The following LSAMP variants were observed in gnomAD, a reference collection of about 807,000 sequenced individuals.
The protein encoded by LSAMP is limbic system associated membrane protein.
A neutral mutation model predicts 38.6 loss-of-function variants in LSAMP; 7 were observed. The observed-to-expected ratio is 0.18, with a 90% CI of 0.10 to 0.34. The LOEUF is 0.34. LSAMP is among the 10% of genes least tolerant of loss of function. The probability of loss-of-function intolerance (pLI) is 1.00; values close to 1 mark genes in which losing one functional copy is unlikely to be tolerated. For missense variants in LSAMP, 313 were observed against 420.0 expected (o/e 0.75, Z 2.23); for synonymous variants, 154 against 166.8 (o/e 0.92, Z 0.59).
At chr3:116,443,152 C>CA (rs1443600457) in intron 1 of LSAMP, among the ~76,000 whole-genome samples, 2 of 152,140 alleles carry the variant, frequency 1.3e-5, no homozygotes, top group Non-Finnish European at 2.9e-5. Context: ...AGTGCTTCAC[C>CA]ATTAAAGGGT....
At chr3:116,370,363 C>G (rs1315060589) in intron 1 of LSAMP, among the ~76,000 whole-genome samples, 2 of 152,186 alleles carry the variant, frequency 1.3e-5, no homozygotes, top group Non-Finnish European at 2.9e-5. Context: ...CACCAGAAAT[C>G]TGTCCCTTTA....
At chr3:116,274,769 T>C (rs1009971190) in intron 1 of LSAMP, among the ~76,000 whole-genome samples, 3 of 151,992 alleles carry the variant, frequency 2.0e-5, no homozygotes, top group African/African-American at 7.2e-5. Flanking sequence ...AGGCAAAAGG[T>C]TTTGTGCCTA....
At chr3:116,405,884 G>A (rs2048891611) in intron 1 of LSAMP, among the ~76,000 whole-genome samples, 1 of 152,052 alleles carries the variant, frequency 6.6e-6, no homozygotes, top group Non-Finnish European at 1.5e-5. Context: ...AGAAAGAGAA[G>A]TAACTACTTG....
intron 1 of LSAMP, among the ~76,000 whole-genome samples, chr3:116,118,711 C>A (rs905770687): frequency 2.0e-5 from 3 of 152,000 alleles, no homozygotes; most frequent in Admixed American, 1.3e-4. Flanking sequence ...ACACACATGC[C>A]TGATAAAGAG....
intron 1 of LSAMP, 76 bp downstream of exon 1, chr3:116,444,801 C>CACACACAA: frequency 6.6e-7 from 1 of 1,517,918 alleles, no homozygotes; most frequent in East Asian, 2.4e-5. Flanking sequence ...CACACACACA[C>CACACACAA]ACACACACAA....
chr3:116,011,469 G>C (rs1940322974), intron 3 of LSAMP, among the ~76,000 whole-genome samples: 1 of 152,138 alleles, frequency 6.6e-6, no homozygotes, highest in Admixed American at 6.5e-5. Flanking sequence ...AATTTCAAGA[G>C]TGTTCCAGGG....
intron 6 of LSAMP, among the ~76,000 whole-genome samples, chr3:115,840,394 G>C (rs1399184109): frequency 6.6e-6 from 1 of 152,028 alleles, no homozygotes; most frequent in Non-Finnish European, 1.5e-5. Context: ...TTAATGTTAG[G>C]AATGAATCAA....
At chr3:116,198,529 G>C (rs760056039) in intron 1 of LSAMP, among the ~76,000 whole-genome samples, 1 of 152,124 alleles carries the variant, frequency 6.6e-6, no homozygotes, top group Non-Finnish European at 1.5e-5. Context: ...CAGCACTGTG[G>C]GAGGCCGAGG....
intron 1 of LSAMP, among the ~76,000 whole-genome samples, chr3:116,268,238 T>C (rs1329387158): frequency 6.6e-6 from 1 of 152,006 alleles, no homozygotes; most frequent in African/African-American, 2.4e-5. Context: ...GTAGGCAAGA[T>C]GCAACCATTC....
chr3:116,123,907 C>A (rs1185375909), intron 1 of LSAMP, among the ~76,000 whole-genome samples: 2 of 152,126 alleles, frequency 1.3e-5, no homozygotes, highest in East Asian at 3.9e-4. Flanking sequence ...AAGAATACAA[C>A]TCTCAAATAA....
At chr3:115,915,069 G>A (rs1193209164) in intron 3 of LSAMP, among the ~76,000 whole-genome samples, 2 of 152,182 alleles carry the variant, frequency 1.3e-5, no homozygotes, top group African/African-American at 4.8e-5. Flanking sequence ...ATATAGAAAC[G>A]GTTTGAAAAG....
At chr3:115,974,950 A>C (rs1939137745) in intron 3 of LSAMP, among the ~76,000 whole-genome samples, 1 of 152,160 alleles carries the variant, frequency 6.6e-6, no homozygotes, top group African/African-American at 2.4e-5. Context: ...CTGTTCAGTC[A>C]GTTGAGGGCT....
At chr3:116,162,993 T>C (rs1423049999) in intron 1 of LSAMP, among the ~76,000 whole-genome samples, 1 of 151,938 alleles carries the variant, frequency 6.6e-6, no homozygotes, top group African/African-American at 2.4e-5. Context: ...CTGTCCTCAC[T>C]AGGAACACTA....
chr3:115,859,057 C>A (rs763594025), intron 3 of LSAMP, among the ~76,000 whole-genome samples: 1 of 152,140 alleles, frequency 6.6e-6, no homozygotes, highest in Non-Finnish European at 1.5e-5. Context: ...AGAAAAGATG[C>A]CTGCAGTAGG....
At chr3:115,990,929 A>G (rs1329643911) in intron 3 of LSAMP, among the ~76,000 whole-genome samples, 1 of 152,080 alleles carries the variant, frequency 6.6e-6, no homozygotes, top group Non-Finnish European at 1.5e-5. Flanking sequence ...AGTGATTTTG[A>G]TATAAGTAGC....
intron 1 of LSAMP, among the ~76,000 whole-genome samples, chr3:116,322,010 C>T (rs2047712835): frequency 6.6e-6 from 1 of 152,046 alleles, no homozygotes; most frequent in South Asian, 2.1e-4. Context: ...AGTAATTGTT[C>T]AAGGAAAACA....
chr3:115,906,907 G>C (rs1433181902), intron 3 of LSAMP, among the ~76,000 whole-genome samples: 1 of 152,062 alleles, frequency 6.6e-6, no homozygotes, highest in Non-Finnish European at 1.5e-5. Flanking sequence ...ATAACTTTTG[G>C]GGCTTTGTTT....
At chr3:116,239,503 A>C (rs925515981) in intron 1 of LSAMP, among the ~76,000 whole-genome samples, 1 of 152,248 alleles carries the variant, frequency 6.6e-6, no homozygotes, top group Non-Finnish European at 1.5e-5. Context: ...AGACAAAACA[A>C]GATAGTATAT....
At position 116,328,552 on chromosome 3, in the gene LSAMP, TA is replaced by T. The variant is rs1576131356; in HGVS notation, c.155+116324del. Reference sequence around the variant, plus strand: ...ATCATTAATTATTAGAATTGTCATATAAAATGAGAACCATTTGTTAACATTT... The same window carrying T: ...ATCATTAATTATTAGAATTGTCATATAAATGAGAACCATTTGTTAACATTT... On this transcript the variant is annotated intron_variant, in intron 1 of 6. Coordinates refer to ENST00000490035, the MANE Select transcript of LSAMP (RefSeq NM_002338.5). Among the ~76,000 whole-genome samples, 3 of 152,298 alleles carry T rather than the reference TA, an allele frequency of 2.0e-5. No individual in the cohort carries two copies. In the East Asian group the frequency reaches 5.8e-4, roughly 29 times the overall value.
Sources: gnomAD v4.1 joint callset for allele counts (sites outside exome capture counted in the v4.1 genomes callset) on GRCh38, gnomAD v4.1.1 for gene constraint, MANE v1.5 for transcripts, NCBI Gene and HGNC (gene_info 2026-07-23, HGNC 2026-07-21) for gene names.